ROCK2: variants seen among roughly 807,000 people sequenced by gnomAD.
ROCK2 encodes rho-associated protein kinase 2.
ROCK2 carries 61 observed loss-of-function variants against 195.1 expected under a neutral mutation model. That is an observed-to-expected ratio of 0.31 (90% CI 0.25 to 0.39). The LOEUF is 0.39. Ranked by LOEUF, ROCK2 falls within the 10% of genes least tolerant of loss-of-function variation. ROCK2 has a pLI of 1.00. For synonymous variants in ROCK2, 504 were observed against 545.5 expected, an observed-to-expected ratio of 0.92 and a Z score of 1.06; for missense variants, 1,109 against 1,637.4, an observed-to-expected ratio of 0.68 and a Z score of 5.57.
rs766071383 is a variant in ROCK2, at chr2:11,197,323, C to T, written c.3305G>A (p.Arg1102Gln). The change falls in exon 27 of 33, where the codon CGA becomes CAA. Residue 1102 changes from arginine (R) to glutamine (Q), a missense_variant. By Grantham distance (43) the Arg-to-Gln change is conservative (BLOSUM62 1). Around this residue, in one of 6 missense-constraint regions of ROCK2, gnomAD observed 221 missense variants for 355.1 expected, o/e 0.62. Coordinates refer to ENST00000315872, the MANE Select transcript of ROCK2 (RefSeq NM_004850.5). This position sits in a 1 kb window ranked among gnomAD's most constrained non-coding sequence, Gnocchi z 4.9. Reference sequence around the variant, plus strand: ...GTCCAATGTCATCTGCAGTTCAATTCGAATCTGGCTCTCTTCAGCTATTTG... The same window carrying T: ...GTCCAATGTCATCTGCAGTTCAATTTGAATCTGGCTCTCTTCAGCTATTTG... ...QAQIAEESQI[R>Q]IELQMTLDSK... 2 of 1,613,466 alleles carry T rather than the reference C, an allele frequency of 1.2e-6. No homozygotes were observed. The highest frequency in any genetic ancestry group is 2.2e-5 in the East Asian group (1 of 44,880).
chr2:11,210,823 T>C (rs1049918412), intron 18 of ROCK2, among the ~76,000 whole-genome samples: 2 of 152,220 alleles, frequency 1.3e-5, no homozygotes, highest in Admixed American at 1.3e-4. Context: ...TAGATTTTTG[T>C]AAATAAAGTA....
intron 3 of ROCK2, among the ~76,000 whole-genome samples, chr2:11,274,819 C>T (rs1426795794): frequency 6.6e-6 from 1 of 152,194 alleles, no homozygotes. Context: ...CCCCTCTTAT[C>T]CTCAGGAAAT....
At position 11,180,321 on chromosome 2, in the gene ROCK2, A is replaced by G. The variant is rs1662932661; in HGVS notation, c.*3116T>C. 6.6e-6 allele frequency: 1 copy of G among 152,214 alleles called. No individual in the cohort carries two copies. Among genetic ancestry groups the G allele is most frequent in the East Asian group, 1.9e-4 (1 of 5,204 alleles). The allele number at this position is 152,214 out of a possible 1,614,324, so 9.4% of individuals were successfully genotyped here. ...TAGAGTATTTCTGTTTAAGATCTAT[A>G]TATAAATGGATGCAAAATAGATACT... On this transcript the variant is annotated 3_prime_UTR_variant, in exon 33 of 33. Coordinates refer to ENST00000315872, the MANE Select transcript of ROCK2 (RefSeq NM_004850.5).
chr2:11,293,886 C>T (rs1366012789), intron 1 of ROCK2, among the ~76,000 whole-genome samples: 5 of 152,066 alleles, frequency 3.3e-5, no homozygotes, highest in South Asian at 2.1e-4. Flanking sequence ...GGGCCAGGCG[C>T]GGTGGCTCAC....
chr2:11,211,967 T>C (rs2148060618), intron 17 of ROCK2, 127 bp from the exon 18 acceptor site: 1 of 653,770 alleles, frequency 1.5e-6, no homozygotes, highest in East Asian at 3.0e-5. Flanking sequence ...GTGCAGTGGT[T>C]TGATTATGGC....
intron 32 of ROCK2, among the ~76,000 whole-genome samples, chr2:11,185,121 A>G (rs1175524087): frequency 1.3e-5 from 2 of 152,214 alleles, no homozygotes; most frequent in Non-Finnish European, 2.9e-5. Context: ...ACATTTGTCA[A>G]TGTTCCCCTT....
In ROCK2 at chr2:11,197,376, A is replaced by G. The variant is rs1663681010; in HGVS notation, c.3280-28T>C. ...ATAAGAAATTTAATTACAATAAGTT[A>G]ATTGGATGCAACATAACTCAACATT... On this transcript the variant is annotated intron_variant, in intron 26 of 32. Coordinates refer to ENST00000315872, the MANE Select transcript of ROCK2 (RefSeq NM_004850.5). The surrounding 1 kb of genome is among the most constrained non-coding windows in gnomAD (Gnocchi z 4.9). 1 of 1,599,468 alleles carries G rather than the reference A, an allele frequency of 6.3e-7. No homozygotes were observed. Among genetic ancestry groups the G allele is most frequent in the Non-Finnish European group, 8.6e-7 (1 of 1,169,296 alleles).
At chr2:11,317,612 ATTTTT>A (rs1553317464) in intron 1 of ROCK2, among the ~76,000 whole-genome samples, 17 of 19,302 alleles carry the variant, frequency 8.8e-4, no homozygotes, top group African/African-American at 1.9e-3. Context: ...ATATATATAT[ATTTTT>A]TTTTTTTTTT....
At chr2:11,290,688 T>C (rs1006407025) in intron 1 of ROCK2, among the ~76,000 whole-genome samples, 10 of 151,860 alleles carry the variant, frequency 6.6e-5, no homozygotes, top group Non-Finnish European at 8.8e-5. Context: ...CAGAGGTCTA[T>C]TGGATTTCAG....
chr2:11,277,039 T>C (rs1419444253), intron 3 of ROCK2, among the ~76,000 whole-genome samples: 1 of 152,192 alleles, frequency 6.6e-6, no homozygotes, highest in South Asian at 2.1e-4. Context: ...ATTTACTATA[T>C]ACTCCCTGTC....
chr2:11,312,628 A>T (rs1364596127), intron 1 of ROCK2, among the ~76,000 whole-genome samples: 1 of 152,076 alleles, frequency 6.6e-6, no homozygotes. Context: ...TGCATTTGTT[A>T]TTGCTGAGAA....
intron 6 of ROCK2, among the ~76,000 whole-genome samples, chr2:11,225,656 T>G (rs909044599): frequency 6.6e-6 from 1 of 152,126 alleles, no homozygotes; most frequent in African/African-American, 2.4e-5. Context: ...AATGGCCTCT[T>G]CATCAAATAA....
At chr2:11,188,235 C>T (rs938921680) in intron 32 of ROCK2, among the ~76,000 whole-genome samples, 3 of 151,562 alleles carry the variant, frequency 2.0e-5, no homozygotes, top group Non-Finnish European at 2.9e-5. Context: ...TCAGCCTCCC[C>T]AGTAGCTGGG....
intron 1 of ROCK2, among the ~76,000 whole-genome samples, chr2:11,293,612 G>C (rs1667426082): frequency 6.6e-6 from 1 of 152,144 alleles, no homozygotes; most frequent in South Asian, 2.1e-4. Context: ...TGCCAATATG[G>C]CTTGGCACAG....
intron 1 of ROCK2, among the ~76,000 whole-genome samples, chr2:11,326,460 T>C (rs747543764): frequency 2.4e-4 from 36 of 152,216 alleles, no homozygotes; most frequent in Non-Finnish European, 4.7e-4. Flanking sequence ...GAAGACATTA[T>C]AGTGTATGGA....
intron 1 of ROCK2, among the ~76,000 whole-genome samples, chr2:11,295,748 G>C (rs966612922): frequency 6.6e-6 from 1 of 152,042 alleles, no homozygotes; most frequent in African/African-American, 2.4e-5. Context: ...CCTGAGGTCA[G>C]GAGTTTGACA....
At position 11,215,024 on chromosome 2, in the gene ROCK2, G is replaced by C. The variant is rs1211836382; in HGVS notation, c.1752C>G (p.Thr584=). ...GAATCTGTTTTGAACTTTCTGCCTG[G>C]GTTTTCCTTAACCGGGCTGCAGTAT... ...ESDTAARLRK[T]QAESSKQIQQ... Residue 584 remains threonine, a synonymous_variant, in exon 16 of 33, where the codon ACC becomes ACG. Coordinates refer to ENST00000315872, the MANE Select transcript of ROCK2 (RefSeq NM_004850.5). The C allele has an allele frequency of 1.2e-6, 2 of 1,613,894 alleles. No individual in the cohort carries two copies. Among genetic ancestry groups the C allele is most frequent in the Non-Finnish European group, 1.7e-6 (2 of 1,179,970 alleles).
chr2:11,188,576 A>G (rs957540499), intron 32 of ROCK2, among the ~76,000 whole-genome samples: 7 of 151,982 alleles, frequency 4.6e-5, no homozygotes, highest in African/African-American at 1.7e-4. Flanking sequence ...ATTTCTATAC[A>G]TTATTTTTAT....
In ROCK2 at chr2:11,249,789, T is replaced by G; in HGVS notation, c.334A>C (p.Lys112Gln). The G allele has an allele frequency of 6.6e-7, 1 of 1,522,976 alleles. No homozygotes were observed. Among genetic ancestry groups the G allele is most frequent in the Non-Finnish European group, 8.8e-7 (1 of 1,142,126 alleles). 94.3% of individuals were successfully genotyped at this position (1,522,976 alleles called of 1,614,324 possible). Reference protein sequence around the residue: ...AFGEVQLVRHKASQKVYAMKL... With the variant: ...AFGEVQLVRHQASQKVYAMKL... Reference sequence around the variant, plus strand: ...ATAGCATAAACCTTCTGCGATGCCTTGTGACGAACCTGTTGATTTTTGAAA... The same window carrying G: ...ATAGCATAAACCTTCTGCGATGCCTGGTGACGAACCTGTTGATTTTTGAAA... The change falls in exon 4 of 33, where the codon AAG becomes CAG. Residue 112 changes from lysine (K) to glutamine (Q), a missense_variant. Physicochemically the swap from Lys to Gln is moderately conservative, Grantham distance 53 (BLOSUM62 1). Transcript: ENST00000315872.
Sources: allele counts gnomAD v4.1 joint callset (sites outside exome capture counted in the v4.1 genomes callset), GRCh38; gene constraint gnomAD v4.1.1; regional missense constraint gnomAD v4.1.1; non-coding constraint Gnocchi (gnomAD v3.1); transcripts MANE v1.5; gene names NCBI Gene and HGNC (gene_info 2026-07-23, HGNC 2026-07-21).